HOMER2: variants seen among roughly 807,000 people sequenced by gnomAD.
HOMER2 encodes the protein homer scaffold protein 2.
Under a neutral mutation model 47.0 loss-of-function variants are expected in HOMER2, and 27 were observed. The observed-to-expected ratio is 0.57, with a 90% CI of 0.42 to 0.79. HOMER2 has a LOEUF of 0.79. HOMER2 is among the 30% of genes least tolerant of loss of function. HOMER2 has a pLI of 0.00. For missense variants in HOMER2, 443 were observed against 435.0 expected (o/e 1.02, Z -0.16); for synonymous variants, 161 against 163.8 (o/e 0.98, Z 0.13).
chr15:82,862,307 G>A (rs776181216), intron 4 of HOMER2, among the ~76,000 whole-genome samples: 14 of 152,030 alleles, frequency 9.2e-5, no homozygotes, highest in South Asian at 4.1e-4. Flanking sequence ...ATACATATAC[G>A]TTAAATAACA....
rs185498327 is a variant in HOMER2 at position 82,924,785 on chromosome 15, G to A, written c.5+27746C>T. ...ATTTTCCCAACAACCTTGAGAAATC[G>A]GCATCTATACTTTGTTTCACAGAGG... On this transcript the variant is annotated intron_variant, in intron 1 of 8. Transcript: ENST00000450735. Among the ~76,000 whole-genome samples, 65 of 152,166 alleles carry A rather than the reference G, an allele frequency of 4.3e-4. 2 individuals are homozygous for A. The highest frequency in any genetic ancestry group is 3.7e-3 in the Admixed American group (57 of 15,266).
chr15:82,943,136 T>C (rs1032532851), intron 1 of HOMER2, among the ~76,000 whole-genome samples: 1 of 152,186 alleles, frequency 6.6e-6, no homozygotes, highest in Non-Finnish European at 1.5e-5. Flanking sequence ...TTGGCCATCA[T>C]TTACTATTTA....
chr15:82,981,972 T>C (rs1387122018), intron 1 of HOMER2, among the ~76,000 whole-genome samples: 8 of 152,238 alleles, frequency 5.3e-5, no homozygotes, highest in African/African-American at 1.9e-4. Flanking sequence ...CAATGACCTG[T>C]GCACTTACAA....
chr15:82,864,904 GC>G (rs1209113721), intron 3 of HOMER2, among the ~76,000 whole-genome samples: 19 of 152,358 alleles, frequency 1.2e-4, no homozygotes, highest in African/African-American at 4.6e-4. Context: ...ACAGAGAATA[GC>G]CTGTGATAAT....
At chr15:82,854,565 G>GA in intron 6 of HOMER2, 79 bp downstream of exon 6, 1 of 1,457,844 alleles carries the variant, frequency 6.9e-7, no homozygotes, top group Non-Finnish European at 9.2e-7. Context: ...TGGGGAGGGA[G>GA]AAAAAGGGTT....
chr15:82,859,561 A>G (rs1226887328), intron 4 of HOMER2, among the ~76,000 whole-genome samples: 2 of 152,338 alleles, frequency 1.3e-5, no homozygotes, highest in African/African-American at 2.4e-5. Flanking sequence ...CTTAGAAACA[A>G]GGAATGAAAA....
intron 1 of HOMER2, among the ~76,000 whole-genome samples, chr15:82,894,377 C>T (rs1215377427): frequency 3.9e-5 from 6 of 152,102 alleles, no homozygotes; most frequent in Non-Finnish European, 7.4e-5. Flanking sequence ...CTCAAAAATC[C>T]TTTAAGTGTT....
intron 1 of HOMER2, among the ~76,000 whole-genome samples, chr15:82,930,882 C>T (rs571780559): frequency 2.0e-5 from 3 of 152,030 alleles, no homozygotes; most frequent in South Asian, 4.2e-4. Context: ...CAAAGTTAGT[C>T]GGGTGTGGTG....
chr15:82,898,335 G>C (rs1448812910), intron 1 of HOMER2: 1 of 152,192 alleles, frequency 6.6e-6, no homozygotes, highest in Admixed American at 6.5e-5. Flanking sequence ...TCCAACCTGC[G>C]TTTCCTTCCC....
intron 1 of HOMER2, among the ~76,000 whole-genome samples, chr15:82,901,265 G>C (rs986238625): frequency 2.0e-5 from 3 of 152,162 alleles, no homozygotes; most frequent in African/African-American, 7.2e-5. Context: ...CAGAGTTGTG[G>C]AGAAGCAAAG....
chr15:82,891,678 G>T (rs2052710568), intron 2 of HOMER2, among the ~76,000 whole-genome samples: 1 of 152,134 alleles, frequency 6.6e-6, no homozygotes, highest in Non-Finnish European at 1.5e-5. Flanking sequence ...AGTCAGACTA[G>T]ACTGCAGGTA....
intron 1 of HOMER2, among the ~76,000 whole-genome samples, chr15:82,969,416 C>T (rs912842259): frequency 6.6e-6 from 1 of 152,182 alleles, no homozygotes; most frequent in East Asian, 1.9e-4. Context: ...TTATAAAGGG[C>T]GGATGCGGGG....
downstream of HOMER2, chr15:82,847,004 T>C (rs937937180): frequency 6.6e-6 from 1 of 152,188 alleles, no homozygotes; most frequent in Non-Finnish European, 1.5e-5. Context: ...CTTATCAAGG[T>C]ATAGCAGCCA....
At chr15:82,866,714 T>C (rs953892566) in intron 3 of HOMER2, among the ~76,000 whole-genome samples, 1 of 152,172 alleles carries the variant, frequency 6.6e-6, no homozygotes, top group Non-Finnish European at 1.5e-5. Context: ...GGAGATCTGA[T>C]GGTTTTAAAA....
At chr15:82,836,255 G>GT (rs2051125277), downstream of HOMER2, 1 of 152,284 alleles carries the variant, frequency 6.6e-6, no homozygotes, top group Non-Finnish European at 1.5e-5. Flanking sequence ...GTGGGGACAA[G>GT]TGTCTCCTAT....
chr15:82,907,427 G>C (rs1275956152), intron 1 of HOMER2, among the ~76,000 whole-genome samples: 1 of 144,282 alleles, frequency 6.9e-6, no homozygotes. Flanking sequence ...GAAAGAAAGA[G>C]AAGGAAAGAA....
intron 1 of HOMER2, among the ~76,000 whole-genome samples, chr15:82,973,545 T>C (rs745610751): frequency 7.9e-5 from 12 of 152,244 alleles, no homozygotes; most frequent in Non-Finnish European, 1.2e-4. Flanking sequence ...GTTGTTTTCA[T>C]AGGACAATGA....
At chr15:82,892,591 C>A in intron 2 of HOMER2, 94 bp downstream of exon 2, 3 of 967,400 alleles carry the variant, frequency 3.1e-6, no homozygotes, top group Non-Finnish European at 4.4e-6. Flanking sequence ...GACATTATAA[C>A]AATAACTTAT....
intron 6 of HOMER2, chr15:82,852,511 T>C (rs1156640532): frequency 2.1e-5 from 8 of 383,926 alleles, no homozygotes; most frequent in Non-Finnish European, 2.8e-5. Context: ...TAATAAAGCC[T>C]GCCTTCAAGA....
Sources: gnomAD v4.1 joint callset for allele counts (sites outside exome capture counted in the v4.1 genomes callset) on GRCh38, gnomAD v4.1.1 for gene constraint, MANE v1.5 for transcripts, NCBI Gene and HGNC (gene_info 2026-07-23, HGNC 2026-07-21) for gene names.